PNPLA7: variants seen among roughly 807,000 people sequenced by gnomAD.
The protein encoded by PNPLA7 is patatin-like phospholipase domain-containing protein 7.
In PNPLA7, 153 loss-of-function variants were observed where a neutral mutation model predicts 161.7. The ratio of observed to expected loss-of-function variants is 0.95; its 90% CI spans 0.83 to 1.08. The LOEUF (loss-of-function observed/expected upper bound fraction) is 1.08. Among genes scored for constraint, PNPLA7 ranks in the 50% least tolerant of loss-of-function variants. PNPLA7 has a pLI of 0.00. For synonymous variants in PNPLA7, 809 were observed against 782.1 expected, an observed-to-expected ratio of 1.03 and a Z score of -0.57; for missense variants, 1,739 against 1,856.6, an observed-to-expected ratio of 0.94 and a Z score of 1.16.
intron 20 of PNPLA7, among the ~76,000 whole-genome samples, chr9:137,487,576 C>T (rs753308832): frequency 1.3e-5 from 2 of 152,382 alleles, no homozygotes; most frequent in Non-Finnish European, 2.9e-5. Context: ...GTCTTCATCT[C>T]GTGCCTGGGG....
intron 20 of PNPLA7, among the ~76,000 whole-genome samples, chr9:137,492,502 C>T (rs976524263): frequency 5.6e-4 from 7 of 12,508 alleles, no homozygotes; most frequent in Admixed American, 3.2e-3. Flanking sequence ...AGGGGAGGGG[C>T]ATGGGCGGGT....
intron 11 of PNPLA7, chr9:137,516,463 T>C (rs1030100815): frequency 1.0e-6 from 1 of 985,174 alleles, no homozygotes; most frequent in African/African-American, 1.7e-5. Context: ...TCAAGTCACA[T>C]GGACCTAATC....
At chr9:137,470,085 G>A (rs1354543069) in intron 25 of PNPLA7, among the ~76,000 whole-genome samples, 11 of 151,978 alleles carry the variant, frequency 7.2e-5, no homozygotes, top group Admixed American at 7.2e-4. Flanking sequence ...GTGCAGCGGT[G>A]TGATCACAGC....
At chr9:137,464,050 C>T (rs1330441937) in intron 28 of PNPLA7, 76 bp downstream of exon 28, 34 of 1,514,144 alleles carry the variant, frequency 2.2e-5, no homozygotes, top group Admixed American at 9.3e-5. Flanking sequence ...GCCTTCCCAA[C>T]CCCTGGGGCT....
intron 33 of PNPLA7, chr9:137,461,317 C>T (rs1831181453): frequency 3.9e-6 from 2 of 515,836 alleles, no homozygotes; most frequent in Non-Finnish European, 6.9e-6. Flanking sequence ...GAATGAAGGG[C>T]AGGGGCTGGG....
At chr9:137,546,754 A>G (rs1615822) in intron 4 of PNPLA7, 76 bp downstream of exon 4, 413,917 of 1,404,544 alleles carry the variant, frequency 0.29, 64,981 homozygotes, top group African/African-American at 0.48. Context: ...GGGGGAGCCC[A>G]CAGCAGAAGG....
intron 25 of PNPLA7, among the ~76,000 whole-genome samples, chr9:137,470,222 C>T (rs1831647705): frequency 6.6e-6 from 1 of 152,134 alleles, no homozygotes; most frequent in African/African-American, 2.4e-5. Flanking sequence ...CACTATGTTG[C>T]CCAGGCTGGT....
At position 137,521,621 on chromosome 9, in the gene PNPLA7, G is replaced by A. The variant is rs367977845; in HGVS notation, c.957+15C>T. 6.2e-6 allele frequency: 10 copies of A among 1,611,552 alleles called. No individual in the cohort carries two copies. The highest frequency in any genetic ancestry group is 7.6e-6 in the Non-Finnish European group (9 of 1,179,450). On this transcript the variant is annotated intron_variant, in intron 10 of 34. Transcript: ENST00000406427. ...ATGGAGCAGCATGGGGCTTTGTGAG[G>A]TGGTTTTCACTTACAGCGTTGAAGA...
At chr9:137,501,029 G>T in intron 15 of PNPLA7, 133 bp from the exon 16 acceptor site, 2 of 688,488 alleles carry the variant, frequency 2.9e-6, no homozygotes, top group Non-Finnish European at 4.7e-6. Context: ...CTCTGGGCAT[G>T]GACTTCACTG....
rs539932630 is a variant in PNPLA7 at position 137,476,376 on chromosome 9, C to G, written c.2882+1658G>C. On this transcript the variant is annotated intron_variant, in intron 25 of 34. Coordinates refer to ENST00000406427, the MANE Select transcript of PNPLA7 (RefSeq NM_001098537.3). The surrounding 1 kb of genome is among the most constrained non-coding windows in gnomAD (Gnocchi z 4.5). The stretch of plus-strand genomic sequence containing the variant: ...TAACAACACAGACAGTGAGTGCTGG[C>G]TAACTAGTGATGGGACCACACTGGG... Among the ~76,000 whole-genome samples the G allele has an allele frequency of 6.6e-6, 1 of 152,044 alleles. No homozygotes were observed. Among genetic ancestry groups the G allele is most frequent in the Non-Finnish European group, 1.5e-5 (1 of 68,016 alleles).
chr9:137,502,010 A>C (rs988990595), intron 14 of PNPLA7, among the ~76,000 whole-genome samples: 5 of 152,258 alleles, frequency 3.3e-5, no homozygotes, highest in Admixed American at 1.3e-4. Flanking sequence ...TTTACGTAAA[A>C]GAGAGAGGAT....
rs781143660 is a variant in PNPLA7 at position 137,462,786 on chromosome 9, C to A, written c.3391G>T (p.Val1131Leu). 3 of 1,613,784 alleles carry A rather than the reference C, an allele frequency of 1.9e-6. No homozygotes were observed. The change falls in exon 30 of 35, where the codon GTG becomes TTG. Residue 1131 changes from valine (V) to leucine (L), a missense_variant. Coordinates refer to ENST00000406427, the MANE Select transcript of PNPLA7 (RefSeq NM_001098537.3). Reference protein sequence around the residue: ...MGAKVVIAIDVGSRDETDLTN... With the variant: ...MGAKVVIAIDLGSRDETDLTN... ...AGGTCCGTCTCATCTCGGCTGCCCA[C>A]GTCAATGGCGATCACCACTTTTGCC... is the stretch of plus-strand genomic sequence containing the variant.
In PNPLA7 at chr9:137,490,586, T is replaced by A. The variant is rs777704101; in HGVS notation, c.2197+2427A>T. Among the ~76,000 whole-genome samples, 1 of 151,982 alleles carries A rather than the reference T, an allele frequency of 6.6e-6. No homozygotes were observed. Among genetic ancestry groups the A allele is most frequent in the African/African-American group, 2.4e-5 (1 of 41,352 alleles). On this transcript the variant is annotated intron_variant, in intron 20 of 34. Transcript: ENST00000406427. This position sits in a 1 kb window ranked among gnomAD's most constrained non-coding sequence, Gnocchi z 4.1. ...GCAAAAGCACCCTTCAGCATGAGGG[T>A]GACATGGAGATATTCTCAGATTCTC...
Position 137,467,049 on chromosome 9 carries a change from C to T in PNPLA7, c.3039+268G>A, listed in dbSNP as rs1183863927. ...ACCACCGTCTCCATCACCTCAGACC[C>T]GGGCACAGATCAGACCACCTCCCAC... On this transcript the variant is annotated intron_variant, in intron 26 of 34. Coordinates refer to ENST00000406427, the MANE Select transcript of PNPLA7 (RefSeq NM_001098537.3). The surrounding 1 kb of genome is among the most constrained non-coding windows in gnomAD (Gnocchi z 5.1). Among the ~76,000 whole-genome samples the T allele has an allele frequency of 2.0e-5, 3 of 151,090 alleles. No individual in the cohort carries two copies. Among genetic ancestry groups the T allele is most frequent in the Non-Finnish European group, 1.5e-5 (1 of 67,844 alleles).
Position 137,543,551 on chromosome 9 carries a change from T to C in PNPLA7, c.387A>G (p.Glu129=). Residue 129 remains glutamate, a synonymous_variant, in exon 6 of 35, where the codon GAA becomes GAG. Transcript: ENST00000406427. The surrounding 1 kb of genome is among the most constrained non-coding windows in gnomAD (Gnocchi z 6.9). ...GCTCCTTGGGCTGCAGGGCCGGGTA[T>C]TCCTTCTTGAAACGCAGAATCCTAC... ...LAKRILRFKK[E]YPALQPKEPP... 1.2e-6 allele frequency: 2 copies of C among 1,613,128 alleles called. No individual in the cohort carries two copies. Among genetic ancestry groups the C allele is most frequent in the Middle Eastern group, 1.7e-4 (1 of 6,058 alleles).
At position 137,515,539 on chromosome 9, in the gene PNPLA7, A is replaced by G. The variant is rs749849412; in HGVS notation, c.1085-20T>C. On this transcript the variant is annotated intron_variant, in intron 11 of 34. Transcript: ENST00000406427. Reference sequence around the variant, plus strand: ...CGTGATCTGCTGGGGAGGCAGCCGTAAGCAACCTTGTTTGCACGCACTCCC... The same window carrying G: ...CGTGATCTGCTGGGGAGGCAGCCGTGAGCAACCTTGTTTGCACGCACTCCC... The G allele has an allele frequency of 2.5e-5, 38 of 1,521,934 alleles. No homozygotes were observed. The highest frequency in any genetic ancestry group is 3.3e-5 in the Non-Finnish European group (37 of 1,137,892). 94.3% of individuals were successfully genotyped at this position (1,521,934 alleles called of 1,614,324 possible). A position where few individuals can be genotyped will look rare whatever the true frequency, so the allele number is the denominator to read the frequency against.
In PNPLA7 at chr9:137,523,710, T is replaced by G. The variant is rs1173062082; in HGVS notation, c.748-853A>C. Among the ~76,000 whole-genome samples the G allele has an allele frequency of 6.6e-6, 1 of 151,512 alleles. No individual in the cohort carries two copies. Among genetic ancestry groups the G allele is most frequent in the African/African-American group, 2.4e-5 (1 of 41,178 alleles). ...GGCGTGATCTTGGCTCACTGCAAGC[T>G]CCGCCTCCCGGGTTCACACCATTCT... On this transcript the variant is annotated intron_variant, in intron 8 of 34. Coordinates refer to ENST00000406427, the MANE Select transcript of PNPLA7 (RefSeq NM_001098537.3). The surrounding 1 kb of genome is among the most constrained non-coding windows in gnomAD (Gnocchi z 4.4).
intron 8 of PNPLA7, among the ~76,000 whole-genome samples, chr9:137,535,473 G>A (rs1305534361): frequency 1.3e-5 from 2 of 152,044 alleles, no homozygotes; most frequent in South Asian, 2.1e-4. Flanking sequence ...GAACATTCAG[G>A]GCCAGGCGCA....
chr9:137,497,014 A>G (rs183081336), intron 18 of PNPLA7, among the ~76,000 whole-genome samples, 173 bp downstream of exon 18: 11 of 152,338 alleles, frequency 7.2e-5, no homozygotes, highest in South Asian at 4.1e-4. Context: ...AGTCCCCCCA[A>G]TGGAGGCAGA....
Sources: gnomAD v4.1 joint callset for allele counts (sites outside exome capture counted in the v4.1 genomes callset) on GRCh38, gnomAD v4.1.1 for gene constraint, Gnocchi (gnomAD v3.1) non-coding constraint, MANE v1.5 for transcripts, NCBI Gene and HGNC (gene_info 2026-07-23, HGNC 2026-07-21) for gene names.